The following WT1 variants were observed in gnomAD, a reference collection of about 807,000 sequenced individuals.
WT1 encodes WT1 transcription factor, also known as Wilms tumor protein.
Under a neutral mutation model 60.8 loss-of-function variants are expected in WT1, and 8 were observed. That is an observed-to-expected ratio of 0.13 (90% CI 0.08 to 0.24). The LOEUF is 0.24. WT1 is among the 10% of genes least tolerant of loss of function. WT1 has a pLI of 1.00. For missense variants in WT1, 568 were observed against 711.8 expected, an observed-to-expected ratio of 0.80 and a Z score of 2.30; for synonymous variants, 312 against 297.1, an observed-to-expected ratio of 1.05 and a Z score of -0.52.
At chr11:32,405,464 AT>A (rs1852279703) in intron 5 of WT1, among the ~76,000 whole-genome samples, 1 of 149,526 alleles carries the variant, frequency 6.7e-6, no homozygotes, top group African/African-American at 2.4e-5. Flanking sequence ...AAATATATAT[AT>A]TTTTAATATA....
intron 5 of WT1, among the ~76,000 whole-genome samples, chr11:32,407,176 C>G (rs572352838): frequency 6.6e-6 from 1 of 152,150 alleles, no homozygotes; most frequent in African/African-American, 2.4e-5. Context: ...AAATGTCCCT[C>G]ATATAACACA....
intron 2 of WT1, 85 bp from the exon 3 acceptor site, chr11:32,428,143 G>A (rs1853126254): frequency 1.6e-6 from 2 of 1,258,646 alleles, no homozygotes; most frequent in Admixed American, 2.4e-5. Context: ...GGGGAGACAC[G>A]AGATCCTGAG....
At chr11:32,420,330 C>T (rs1852815331) in intron 3 of WT1, among the ~76,000 whole-genome samples, 1 of 152,178 alleles carries the variant, frequency 6.6e-6, no homozygotes, top group Non-Finnish European at 1.5e-5. Context: ...CTCCCTGCCC[C>T]TCAGTTTTCT....
chr11:32,425,958 C>G (rs1853021426), intron 3 of WT1, among the ~76,000 whole-genome samples: 1 of 152,180 alleles, frequency 6.6e-6, no homozygotes, highest in Admixed American at 6.5e-5. Flanking sequence ...AGACCTAAGT[C>G]AAAATCCACC....
At chr11:32,391,087 A>G (rs997176744) in intron 9 of WT1, among the ~76,000 whole-genome samples, 8 of 152,034 alleles carry the variant, frequency 5.3e-5, no homozygotes, top group African/African-American at 1.9e-4. Flanking sequence ...AGGTCTAGTG[A>G]GCGTCCTACC....
chr11:32,428,544 T>C lies in WT1; in HGVS notation c.737A>G (p.Asn246Ser), dbSNP rs1853144243. Residue 246 changes from asparagine to serine, a missense_variant, in exon 2 of 10, where the codon AAC (asparagine) becomes AGC (serine). By Grantham distance (46) the Asn-to-Ser change is conservative (BLOSUM62 1). Around this residue, in one of 3 missense-constraint regions of WT1, gnomAD observed 523 missense variants for 565.1 expected, o/e 0.93. Coordinates refer to ENST00000452863, the MANE Select transcript of WT1 (RefSeq NM_024426.6). ...GGGATCCTCATGCTTGAATGAGTGG[T>C]TGGGGAACTGCGCCGCATGGTGCGA... is the stretch of plus-strand genomic sequence containing the variant. The C allele has an allele frequency of 6.2e-7, 1 of 1,614,078 alleles. No homozygotes were observed.
chr11:32,390,902 A>G (rs933323971), intron 9 of WT1, among the ~76,000 whole-genome samples: 1 of 152,222 alleles, frequency 6.6e-6, no homozygotes, highest in African/African-American at 2.4e-5. Context: ...TAGATAAGCC[A>G]TTGAATTATT....
At chr11:32,409,847 CT>C (rs1159787589) in intron 5 of WT1, among the ~76,000 whole-genome samples, 1 of 152,156 alleles carries the variant, frequency 6.6e-6, no homozygotes, top group Non-Finnish European at 1.5e-5. Flanking sequence ...TCTCTCCCAC[CT>C]CCTTCAAGGA....
intron 6 of WT1, among the ~76,000 whole-genome samples, chr11:32,397,587 T>G (rs1187328795): frequency 2.6e-5 from 4 of 151,766 alleles, no homozygotes; most frequent in Non-Finnish European, 4.4e-5. Flanking sequence ...CCTAGAGTGC[T>G]GGGATTACAG....
At chr11:32,430,300 G>T (rs1216249095) in intron 1 of WT1, among the ~76,000 whole-genome samples, 2 of 152,072 alleles carry the variant, frequency 1.3e-5, no homozygotes, top group Non-Finnish European at 2.9e-5. Flanking sequence ...GAAACCTGAG[G>T]CCTGGCCTTC....
chr11:32,388,962 G>GCAAA lies in WT1; in HGVS notation c.*95_*96insTTTG. On this transcript the variant is annotated 3_prime_UTR_variant, in exon 10 of 10. Transcript: ENST00000452863. The stretch of plus-strand genomic sequence containing the variant: ...AGTTGGATGAAGAAGATCAACTGAA[G>GCAAA]TTTCCTTTTTAGTGAGGAGGAGTGG... 1 of 1,597,386 alleles carries GCAAA rather than the reference G, an allele frequency of 6.3e-7. No homozygotes were observed. Among genetic ancestry groups the GCAAA allele is most frequent in the Non-Finnish European group, 8.5e-7 (1 of 1,169,748 alleles).
intron 1 of WT1, among the ~76,000 whole-genome samples, chr11:32,431,498 G>A (rs530082270): frequency 4.6e-4 from 69 of 149,530 alleles, no homozygotes; most frequent in African/African-American, 1.7e-3. Flanking sequence ...GTGCAGTGGC[G>A]CGATCTCAGC....
chr11:32,421,123 G>A (rs1372575860), intron 3 of WT1, among the ~76,000 whole-genome samples: 2 of 152,156 alleles, frequency 1.3e-5, no homozygotes, highest in Non-Finnish European at 2.9e-5. Flanking sequence ...TGCTGGGGAG[G>A]GGACAAAAAT....
At chr11:32,413,261 T>A (rs1311662959) in intron 5 of WT1, among the ~76,000 whole-genome samples, 1 of 152,260 alleles carries the variant, frequency 6.6e-6, no homozygotes, top group Admixed American at 6.5e-5. Flanking sequence ...AGATCAACCT[T>A]GTCACATGAT....
chr11:32,400,403 G>T, intron 5 of WT1: 1 of 386,414 alleles, frequency 2.6e-6, no homozygotes, highest in East Asian at 6.0e-5. Context: ...TCAGGAATGA[G>T]CAGAATGCCT....
intron 3 of WT1, among the ~76,000 whole-genome samples, chr11:32,420,603 G>A (rs1303137370): frequency 6.6e-6 from 1 of 152,034 alleles, no homozygotes; most frequent in African/African-American, 2.4e-5. Context: ...CCCAGTGCTG[G>A]CATGCCTGAG....
intron 1 of WT1, chr11:32,430,486 GA>G: frequency 3.2e-6 from 5 of 1,573,168 alleles, no homozygotes; most frequent in Non-Finnish European, 4.3e-6. Context: ...GAGAGAGAGA[GA>G]GAGACGAAAT....
chr11:32,395,749 C>T (rs904467697), intron 7 of WT1, among the ~76,000 whole-genome samples: 4 of 148,640 alleles, frequency 2.7e-5, no homozygotes, highest in African/African-American at 7.3e-5. Flanking sequence ...GGCGTGAGCC[C>T]CCATGACTGA....
At chr11:32,389,268 G>A (rs774248610) in intron 9 of WT1, 89 bp from the exon 10 acceptor site, 3 of 1,603,364 alleles carry the variant, frequency 1.9e-6, no homozygotes, top group Non-Finnish European at 2.6e-6. Flanking sequence ...TCATCACAAG[G>A]CACCCACTCT....
Sources: gnomAD v4.1 joint callset for allele counts (sites outside exome capture counted in the v4.1 genomes callset) on GRCh38, gnomAD v4.1.1 for gene constraint, gnomAD v4.1.1 regional missense constraint, MANE v1.5 for transcripts, NCBI Gene and HGNC (gene_info 2026-07-23, HGNC 2026-07-21) for gene names.